Variants in MMRN1 observed in about 807,000 individuals in gnomAD.
MMRN1 encodes the protein multimerin-1.
Under a neutral mutation model 100.7 loss-of-function variants are expected in MMRN1, and 94 were observed. The observed-to-expected ratio is 0.93, with a 90% CI of 0.79 to 1.11. The LOEUF (loss-of-function observed/expected upper bound fraction) is 1.11. Ranked by LOEUF, MMRN1 falls within the 50% of genes least tolerant of loss-of-function variation. The pLI, the probability that MMRN1 is intolerant of heterozygous loss-of-function variation, is 0.00. For synonymous variants in MMRN1, 575 were observed against 505.0 expected (o/e 1.14, Z -1.86); for missense variants, 1,606 against 1,439.1 (o/e 1.12, Z -1.88).
Position 89,895,089 on chromosome 4 carries a change from C to T in MMRN1, c.118C>T (p.Pro40Ser), listed in dbSNP as rs764060846. 2.5e-6 allele frequency: 4 copies of T among 1,613,738 alleles called. No homozygotes were observed. Among genetic ancestry groups the T allele is most frequent in the Non-Finnish European group, 3.4e-6 (4 of 1,179,882 alleles). Residue 40 changes from proline (P) to serine (S), a missense_variant, in exon 1 of 8, where the codon CCT (proline) becomes TCT (serine). By Grantham distance (74) the Pro-to-Ser change is moderately conservative. Transcript: ENST00000264790. ...GGATGGGAACTCTCAGAAGACTATG[C>T]CTTCTGCTTCAGTTCCTCCAAATAA... Reference protein sequence around the residue: ...PEDGNSQKTMPSASVPPNKIQ... With the variant: ...PEDGNSQKTMSSASVPPNKIQ...
chr4:89,935,631 C>A lies in MMRN1; in HGVS notation c.1951C>A (p.Pro651Thr), dbSNP rs766519907. The change falls in exon 6 of 8, where the codon CCC becomes ACC. Residue 651 changes from proline (P) to threonine (T), a missense_variant. By Grantham distance (38) the Pro-to-Thr change is conservative (BLOSUM62 -1). Transcript: ENST00000264790. ...GACTTATGATATGGAGATCCTTCAA[C>A]CCTTGCTTGAGCAGGGAGCATCACT... ...DLTYDMEILQ[P>T]LLEQGASLRQ... is the part of the protein sequence containing the mutation. The A allele has an allele frequency of 1.9e-6, 3 of 1,613,506 alleles. No individual in the cohort carries two copies. Among genetic ancestry groups the A allele is most frequent in the Non-Finnish European group, 2.5e-6 (3 of 1,179,730 alleles).
At chr4:89,916,563 T>A (rs1171162409) in intron 3 of MMRN1, among the ~76,000 whole-genome samples, 1 of 151,684 alleles carries the variant, frequency 6.6e-6, no homozygotes, top group Admixed American at 6.6e-5. Context: ...TTTCTCATTT[T>A]ATATATATTA....
At chr4:89,882,324 A>T (rs544279012) in intron 1 of MMRN1, among the ~76,000 whole-genome samples, 29 of 151,062 alleles carry the variant, frequency 1.9e-4, no homozygotes, top group Admixed American at 6.0e-4. Context: ...TATAATCTTA[A>T]GAACAATACT....
intron 3 of MMRN1, among the ~76,000 whole-genome samples, chr4:89,919,935 C>A (rs527365729): frequency 6.6e-6 from 1 of 152,164 alleles, no homozygotes; most frequent in East Asian, 1.9e-4. Flanking sequence ...AAATCATAAG[C>A]AATGATAAAC....
chr4:89,928,402 G>A (rs1425308035), intron 5 of MMRN1, among the ~76,000 whole-genome samples: 1 of 152,028 alleles, frequency 6.6e-6, no homozygotes, highest in Non-Finnish European at 1.5e-5. Context: ...AATTTTCTAG[G>A]TTATGGTGTA....
intron 1 of MMRN1, among the ~76,000 whole-genome samples, chr4:89,882,130 G>A (rs1720833534): frequency 6.6e-6 from 1 of 151,606 alleles, no homozygotes; most frequent in Non-Finnish European, 1.5e-5. Context: ...TATGGAGTGG[G>A]GGATATTGTT....
At chr4:89,929,719 T>C (rs780815499) in intron 5 of MMRN1, among the ~76,000 whole-genome samples, 2 of 152,146 alleles carry the variant, frequency 1.3e-5, no homozygotes, top group Non-Finnish European at 2.9e-5. Flanking sequence ...GAGGAATTAA[T>C]TGTGTACTGA....
chr4:89,880,670 A>G (rs76637839), intron 1 of MMRN1, among the ~76,000 whole-genome samples: 6 of 152,270 alleles, frequency 3.9e-5, no homozygotes, highest in Non-Finnish European at 8.8e-5. Flanking sequence ...TTGATAAATT[A>G]TAGCTTTGGT....
At chr4:89,888,634 T>C (rs1171953152) in intron 1 of MMRN1, among the ~76,000 whole-genome samples, 1 of 152,090 alleles carries the variant, frequency 6.6e-6, no homozygotes, top group Non-Finnish European at 1.5e-5. Context: ...CGTTCACATA[T>C]TCATCTTTTT....
intron 6 of MMRN1, among the ~76,000 whole-genome samples, chr4:89,939,955 A>T (rs1239721515): frequency 5.9e-5 from 9 of 152,132 alleles, no homozygotes; most frequent in Admixed American, 5.9e-4. Context: ...TTGACTGACG[A>T]AGAAGAGGGA....
At chr4:89,933,396 T>G (rs1014282631) in intron 5 of MMRN1, among the ~76,000 whole-genome samples, 2 of 152,186 alleles carry the variant, frequency 1.3e-5, no homozygotes, top group African/African-American at 4.8e-5. Context: ...CAAAGTCGCT[T>G]CCACATTTTC....
upstream of MMRN1, among the ~76,000 whole-genome samples, chr4:89,891,104 A>G (rs991313520): frequency 1.3e-5 from 2 of 152,050 alleles, no homozygotes; most frequent in Non-Finnish European, 2.9e-5. Context: ...GACGGCTTCA[A>G]AATAAACCTT....
intron 6 of MMRN1, among the ~76,000 whole-genome samples, chr4:89,947,854 G>C (rs1723035650): frequency 6.6e-6 from 1 of 151,884 alleles, no homozygotes; most frequent in Admixed American, 6.6e-5. Context: ...AGTTGATTTT[G>C]TTTTGTTTTG....
Position 89,895,457 on chromosome 4 carries a change from T to TGGAG in MMRN1, c.488_491dup (p.Ile165ArgfsTer25). The stretch of plus-strand genomic sequence containing the variant: ...CTTCTCTAAACACAGTTGGAGGCAC[T>TGGAG]GGAGGCATTGGAGGCGTTGGAGGCA... On this transcript the variant is annotated frameshift_variant, in exon 1 of 8. Coordinates refer to ENST00000264790, the MANE Select transcript of MMRN1 (RefSeq NM_007351.3). LOFTEE classifies it high-confidence loss of function. The TGGAG allele has an allele frequency of 6.2e-7, 1 of 1,613,706 alleles. No individual in the cohort carries two copies. Among genetic ancestry groups the TGGAG allele is most frequent in the Non-Finnish European group, 8.5e-7 (1 of 1,179,848 alleles).
intron 5 of MMRN1, among the ~76,000 whole-genome samples, chr4:89,928,644 T>G (rs1321882532): frequency 3.9e-5 from 6 of 152,156 alleles, no homozygotes; most frequent in Non-Finnish European, 7.4e-5. Context: ...GTTTTCTTGA[T>G]GTCTGTAAAC....
At chr4:89,950,836 G>A (rs1723142642) in intron 6 of MMRN1, among the ~76,000 whole-genome samples, 1 of 152,062 alleles carries the variant, frequency 6.6e-6, no homozygotes, top group Non-Finnish European at 1.5e-5. Context: ...TGGGGTTACA[G>A]GTGTGAGCCA....
At chr4:89,940,663 C>T (rs186969615) in intron 6 of MMRN1, among the ~76,000 whole-genome samples, 36 of 151,958 alleles carry the variant, frequency 2.4e-4, no homozygotes, top group Non-Finnish European at 1.3e-4. Flanking sequence ...CCTTTCTTTC[C>T]TCATTTATAA....
At chr4:89,928,700 A>G (rs2110623511) in intron 5 of MMRN1, among the ~76,000 whole-genome samples, 1 of 152,222 alleles carries the variant, frequency 6.6e-6, no homozygotes, top group East Asian at 1.9e-4. Context: ...TTCTTGACTC[A>G]TCATCCTCCA....
intron 6 of MMRN1, among the ~76,000 whole-genome samples, chr4:89,940,059 A>G (rs912973126): frequency 1.3e-5 from 2 of 152,180 alleles, no homozygotes; most frequent in Non-Finnish European, 2.9e-5. Flanking sequence ...ACTGATGATA[A>G]GATATTCTGG....
Sources: gnomAD v4.1 joint callset for allele counts (sites outside exome capture counted in the v4.1 genomes callset) on GRCh38, gnomAD v4.1.1 for gene constraint, MANE v1.5 for transcripts, NCBI Gene and HGNC (gene_info 2026-07-23, HGNC 2026-07-21) for gene names.